Variants in CCDC7 observed in about 807,000 individuals in gnomAD.
The protein encoded by CCDC7 is coiled-coil domain containing 7, also known as coiled-coil domain-containing protein 7.
CCDC7 carries 183 observed loss-of-function variants against 196.9 expected under a neutral mutation model. The ratio of observed to expected loss-of-function variants is 0.93; its 90% CI spans 0.82 to 1.05. The LOEUF (loss-of-function observed/expected upper bound fraction) is 1.05, where lower values mean the gene tolerates loss of function less well. Ranked by LOEUF, CCDC7 falls within the 50% of genes least tolerant of loss-of-function variation. The probability of loss-of-function intolerance (pLI) is 0.00; values close to 1 mark genes in which losing one functional copy is unlikely to be tolerated. For synonymous variants in CCDC7, 525 were observed against 484.6 expected (o/e 1.08, Z -1.10); for missense variants, 1,540 against 1,482.2 (o/e 1.04, Z -0.64).
In CCDC7 at chr10:32,517,790, A is replaced by C. The variant is rs2047263239; in HGVS notation, c.873-155A>C. 2.6e-5 allele frequency among the ~76,000 whole-genome samples: 4 copies of C among 151,948 alleles called. No individual in the cohort carries two copies. In the South Asian group the frequency reaches 8.3e-4, roughly 32 times the overall value. On this transcript the variant is annotated intron_variant, in intron 9 of 41. Coordinates refer to ENST00000639629, the Ensembl canonical transcript of CCDC7. Reference sequence around the variant, plus strand: ...GTATAATAATAATAAAATAAATAAAAAGAAAAAGAAAAAGTGGGATGCAAG... The same window carrying C: ...GTATAATAATAATAAAATAAATAAACAGAAAAAGAAAAAGTGGGATGCAAG...
chr10:32,866,495 T>C (rs1270867933), intron 41 of CCDC7, among the ~76,000 whole-genome samples: 4 of 151,446 alleles, frequency 2.6e-5, no homozygotes, highest in South Asian at 2.1e-4. Context: ...GCTGTGAAAA[T>C]GTAGATAAAA....
chr10:32,852,030 T>C, intron 40 of CCDC7, 98 bp downstream of exon 41: 2 of 1,246,364 alleles, frequency 1.6e-6, no homozygotes. Context: ...CATATAACAG[T>C]TTGGCAAAAT....
At chr10:32,626,354 T>G (rs944811275) in intron 18 of CCDC7, among the ~76,000 whole-genome samples, 1 of 152,044 alleles carries the variant, frequency 6.6e-6, no homozygotes, top group Admixed American at 6.6e-5. Context: ...TTTTCCATTT[T>G]TGTGTCTTCT....
downstream of CCDC7, chr10:32,876,896 C>T (rs1391054409): frequency 6.6e-6 from 1 of 152,074 alleles, no homozygotes; most frequent in East Asian, 1.9e-4. Flanking sequence ...TTTTACTGTC[C>T]CCTGAAGAGC....
chr10:32,707,638 T>C (rs533577692), intron 24 of CCDC7, among the ~76,000 whole-genome samples: 23 of 152,244 alleles, frequency 1.5e-4, no homozygotes, highest in Non-Finnish European at 2.5e-4. Context: ...GGATACAAAA[T>C]CAATGTGCAA....
intron 11 of CCDC7, among the ~76,000 whole-genome samples, chr10:32,519,554 C>A (rs1439312738): frequency 2.0e-5 from 3 of 150,890 alleles, no homozygotes; most frequent in Non-Finnish European, 3.0e-5. Context: ...GTAGGTTAGA[C>A]TCTTACCCAT....
chr10:32,596,363 C>G (rs534930789), intron 18 of CCDC7, among the ~76,000 whole-genome samples: 1 of 151,974 alleles, frequency 6.6e-6, no homozygotes, highest in East Asian at 1.9e-4. Flanking sequence ...CAACCCTTAC[C>G]TTTTTTTGTT....
rs1286414534 is a variant in CCDC7, at chr10:32,596,387, G to A, written c.1801+12083G>A. Among the ~76,000 whole-genome samples the A allele has an allele frequency of 2.0e-5, 3 of 152,062 alleles. No individual in the cohort carries two copies. In the East Asian group the frequency reaches 5.8e-4, roughly 29 times the overall value. On this transcript the variant is annotated intron_variant, in intron 18 of 41. Transcript: ENST00000639629. Reference sequence around the variant, plus strand: ...CCTTTTTTTGTTTTCCATTTGCTTGGTAGATCTTCCTCCATCCCTTTTTTT... The same window carrying A: ...CCTTTTTTTGTTTTCCATTTGCTTGATAGATCTTCCTCCATCCCTTTTTTT...
chr10:32,534,713 A>G (rs1302228988), intron 11 of CCDC7, among the ~76,000 whole-genome samples: 1 of 151,864 alleles, frequency 6.6e-6, no homozygotes, highest in Non-Finnish European at 1.5e-5. Flanking sequence ...CTGGCCAGGG[A>G]TTTGGGCCAA....
In CCDC7 at chr10:32,731,364, A is replaced by C. The variant is rs1180612360; in HGVS notation, c.2905+1907A>C. ...GTCTGTCTTTGTCTATTCCTAGAAT[A>C]TGTAAAATATGTAATCCATTTACAA... On this transcript the variant is annotated intron_variant, in intron 28 of 41. Coordinates refer to ENST00000639629, the Ensembl canonical transcript of CCDC7. 2.6e-5 allele frequency among the ~76,000 whole-genome samples: 4 copies of C among 152,196 alleles called. No individual in the cohort carries two copies. The East Asian group carries it at 7.7e-4, about 29-fold the overall frequency.
At chr10:32,449,115 G>C (rs2032270623), upstream of CCDC7, among the ~76,000 whole-genome samples, 1 of 151,886 alleles carries the variant, frequency 6.6e-6, no homozygotes, top group African/African-American at 2.4e-5. Context: ...CTCTTTCTGT[G>C]TGTTTATGTA....
intron 13 of CCDC7, among the ~76,000 whole-genome samples, chr10:32,549,821 T>C (rs954242596): frequency 6.6e-6 from 1 of 152,212 alleles, no homozygotes; most frequent in Non-Finnish European, 1.5e-5. Context: ...TATGGCCTTA[T>C]AGTATAGTTT....
At chr10:32,486,970 T>C (rs1305034060) in intron 8 of CCDC7, among the ~76,000 whole-genome samples, 1 of 152,022 alleles carries the variant, frequency 6.6e-6, no homozygotes, top group Non-Finnish European at 1.5e-5. Flanking sequence ...ATTATATGTC[T>C]TGGAGTTGCT....
intron 8 of CCDC7, among the ~76,000 whole-genome samples, chr10:32,486,838 G>A (rs2041199924): frequency 1.3e-5 from 2 of 151,650 alleles, no homozygotes; most frequent in Admixed American, 6.6e-5. Context: ...CTTCTGGCTT[G>A]TAGAGTTTCT....
chr10:32,579,479 A>G (rs1029996716), intron 16 of CCDC7, among the ~76,000 whole-genome samples: 1 of 152,176 alleles, frequency 6.6e-6, no homozygotes, highest in Admixed American at 6.5e-5. Context: ...TATCAATTAT[A>G]TAATCTGAGA....
chr10:32,553,822 C>G (rs1347059966), intron 13 of CCDC7, among the ~76,000 whole-genome samples: 1 of 152,152 alleles, frequency 6.6e-6, no homozygotes, highest in East Asian at 1.9e-4. Flanking sequence ...GTGGCACTTT[C>G]CAGAGAGCAT....
At chr10:32,849,701 C>CAAAAAAAAAAAAAAAAAAAAAA (rs34677799) in intron 39 of CCDC7, among the ~76,000 whole-genome samples, 1 of 80,822 alleles carries the variant, frequency 1.2e-5, no homozygotes, top group Non-Finnish European at 2.3e-5. Flanking sequence ...GACTCCGTCT[C>CAAAAAAAAAAAAAAAAAAAAAA]AAAAAAAAAA....
chr10:32,825,052 A>G (rs1233340531), intron 32 of CCDC7, among the ~76,000 whole-genome samples: 1 of 152,198 alleles, frequency 6.6e-6, no homozygotes, highest in Non-Finnish European at 1.5e-5. Flanking sequence ...GTTTTGTTAT[A>G]AAGTTCAAAA....
At chr10:32,728,067 T>A (rs1011109672) in intron 26 of CCDC7, among the ~76,000 whole-genome samples, 1 of 151,958 alleles carries the variant, frequency 6.6e-6, no homozygotes, top group African/African-American at 2.4e-5. Flanking sequence ...AATGAGAGGG[T>A]CTTGAAGTTG....
Sources: allele counts gnomAD v4.1 joint callset (sites outside exome capture counted in the v4.1 genomes callset), GRCh38; gene constraint gnomAD v4.1.1; transcripts MANE v1.5; gene names NCBI Gene and HGNC (gene_info 2026-07-23, HGNC 2026-07-21).